Variants in ACR observed in about 807,000 individuals in gnomAD.
ACR encodes the protein acrosin light and heavy chain prepropeptide.
ACR carries 17 observed loss-of-function variants against 26.0 expected under a neutral mutation model. That is an observed-to-expected ratio of 0.65 (90% CI 0.45 to 0.98). ACR has a LOEUF of 0.98. ACR is among the 50% of genes least tolerant of loss of function. ACR has a pLI of 0.00. For synonymous variants in ACR, 199 were observed against 207.7 expected (o/e 0.96, Z 0.36); for missense variants, 435 against 519.3 (o/e 0.84, Z 1.58).
At chr22:50,741,032 C>T (rs982399553) in intron 3 of ACR, among the ~76,000 whole-genome samples, 1 of 152,236 alleles carries the variant, frequency 6.6e-6, no homozygotes. Flanking sequence ...GTGACCTATA[C>T]TTCCAGCTTT....
At chr22:50,742,639 G>T (rs1182547150) in intron 3 of ACR, among the ~76,000 whole-genome samples, 1 of 152,036 alleles carries the variant, frequency 6.6e-6, no homozygotes, top group African/African-American at 2.4e-5. Context: ...GGCAGTGCAT[G>T]TACAAAACTC....
chr22:50,743,257 G>A (rs34756634), intron 3 of ACR, among the ~76,000 whole-genome samples: 114,385 of 151,322 alleles, frequency 0.76, 44,204 homozygotes, highest in Non-Finnish European at 0.85. Flanking sequence ...GGATGGTCTC[G>A]AACTCCTGAC....
intron 3 of ACR, 76 bp from the exon 4 acceptor site, chr22:50,743,985 G>C: frequency 3.8e-6 from 4 of 1,060,398 alleles, no homozygotes; most frequent in Admixed American, 1.8e-5. Context: ...CAGAGGATGG[G>C]GTTCGGTGGG....
rs1276638283 is a variant in ACR, at chr22:50,739,186, A to G, written c.78-85A>G. ...GCTCTTCCCCACTTTTCCCAACCCC[A>G]TGTCCCTGCCTCCCCTCAGTTGTGG... is the stretch of plus-strand genomic sequence containing the variant. On this transcript the variant is annotated intron_variant, in intron 1 of 4. Coordinates refer to ENST00000216139, the MANE Select transcript of ACR (RefSeq NM_001097.3). This position sits in a 1 kb window ranked among gnomAD's most constrained non-coding sequence, Gnocchi z 5.5. The G allele has an allele frequency of 2.3e-6, 3 of 1,285,810 alleles. No homozygotes were observed. Among genetic ancestry groups the G allele is most frequent in the African/African-American group, 3.0e-5 (2 of 67,716 alleles). 79.7% of individuals were successfully genotyped at this position (1,285,810 alleles called of 1,614,324 possible).
At chr22:50,740,405 G>A (rs932551310) in intron 3 of ACR, 12 of 598,554 alleles carry the variant, frequency 2.0e-5, no homozygotes, top group Admixed American at 5.8e-5. Context: ...GGATCAGATG[G>A]TCTCCAAGCT....
At chr22:50,740,670 T>C (rs2083421238) in intron 3 of ACR, 1 of 702,550 alleles carries the variant, frequency 1.4e-6, no homozygotes, top group Non-Finnish European at 2.6e-6. Context: ...CGGGTGTAGC[T>C]GTCGCTCTAG....
intron 3 of ACR, chr22:50,740,587 C>T (rs1256875908): frequency 1.4e-6 from 1 of 702,368 alleles, no homozygotes; most frequent in Non-Finnish European, 2.6e-6. Flanking sequence ...GTTGGTGTGG[C>T]TTTCTGTGGG....
Position 50,739,294 on chromosome 22 carries a change from G to C in ACR, c.101G>C (p.Arg34Thr). The C allele has an allele frequency of 6.3e-7, 1 of 1,588,218 alleles. No individual in the cohort carries two copies. The highest frequency in any genetic ancestry group is 8.6e-7 in the Non-Finnish European group (1 of 1,166,814). The change falls in exon 2 of 5, where the codon AGG becomes ACG. Residue 34 changes from arginine (R) to threonine (T), a missense_variant. Physicochemically the swap from Arg to Thr is moderately conservative, Grantham distance 71 (BLOSUM62 -1). Coordinates refer to ENST00000216139, the MANE Select transcript of ACR (RefSeq NM_001097.3). The surrounding 1 kb of genome is among the most constrained non-coding windows in gnomAD (Gnocchi z 5.5). ...TCDGPCGLRF[R>T]QNPQGGVRIV... The stretch of plus-strand genomic sequence containing the variant: ...AGTGGCCCCTGTGGGTTACGGTTCA[G>C]GCAAAACCCACAGGGTGGTGTCCGC...
chr22:50,741,342 G>A (rs2283676), intron 3 of ACR, among the ~76,000 whole-genome samples: 42,768 of 151,470 alleles, frequency 0.28, 6,456 homozygotes, highest in East Asian at 0.57. Flanking sequence ...TGGAGTGACA[G>A]CCTCTATTCC....
intron 3 of ACR, chr22:50,740,458 G>C (rs907861639): frequency 1.6e-6 from 1 of 623,364 alleles, no homozygotes; most frequent in Admixed American, 2.5e-5. Context: ...CAGCCTTCCT[G>C]CTTCCAGGCT....
At chr22:50,744,541 A>C in intron 4 of ACR, 112 bp from the exon 5 acceptor site, 1 of 1,430,816 alleles carries the variant, frequency 7.0e-7, no homozygotes, top group East Asian at 2.5e-5. Context: ...TTGTGTTTAC[A>C]GCAGCAGGAG....
rs1455066737 is a variant in ACR, at chr22:50,738,227, G to T, written c.-9G>T. The T allele has an allele frequency of 1.2e-6, 2 of 1,613,896 alleles. No individual in the cohort carries two copies. The highest frequency in any genetic ancestry group is 1.7e-6 in the Non-Finnish European group (2 of 1,179,900). On this transcript the variant is annotated 5_prime_UTR_variant, in exon 1 of 5. Coordinates refer to ENST00000216139, the MANE Select transcript of ACR (RefSeq NM_001097.3). ...TCACTAGGCTTGCAGGCCAGGCAGT[G>T]CCAGGAGTATGGTTGAGATGCTACC...
intron 4 of ACR, 25 bp downstream of exon 4, chr22:50,744,231 C>T (rs1223422605): frequency 1.4e-5 from 23 of 1,593,696 alleles, no homozygotes; most frequent in Non-Finnish European, 2.0e-5. Flanking sequence ...GGCTTCTGGG[C>T]CCCTGGGTCC....
intron 3 of ACR, chr22:50,740,490 C>T (rs1333069107): frequency 4.6e-6 from 3 of 648,236 alleles, no homozygotes; most frequent in South Asian, 1.7e-5. Flanking sequence ...CATCAGCAGC[C>T]ACCTCCGGTG....
intron 3 of ACR, 66 bp downstream of exon 3, chr22:50,740,043 A>C (rs566306098): frequency 6.2e-7 from 1 of 1,601,510 alleles, no homozygotes; most frequent in Non-Finnish European, 8.5e-7. Flanking sequence ...TTTGAGGTGC[A>C]GCGGTCACTT....
chr22:50,738,666 C>T (rs900867586), intron 1 of ACR, among the ~76,000 whole-genome samples: 2 of 151,632 alleles, frequency 1.3e-5, no homozygotes, highest in Non-Finnish European at 2.9e-5. Context: ...ACCGCTTGCA[C>T]CCCTACCCCC....
chr22:50,743,073 T>C (rs984136374), intron 3 of ACR, among the ~76,000 whole-genome samples: 6 of 151,894 alleles, frequency 4.0e-5, no homozygotes, highest in East Asian at 3.9e-4. Context: ...TCTCGCTCTG[T>C]GGCCCGGGCT....
At chr22:50,743,251 G>C (rs905235651) in intron 3 of ACR, among the ~76,000 whole-genome samples, 21 of 152,010 alleles carry the variant, frequency 1.4e-4, no homozygotes, top group Admixed American at 9.8e-4. Context: ...TAGCCAGGAT[G>C]GTCTCGAACT....
intron 3 of ACR, among the ~76,000 whole-genome samples, chr22:50,741,175 G>T (rs1189725337): frequency 1.3e-5 from 2 of 152,144 alleles, no homozygotes; most frequent in Non-Finnish European, 2.9e-5. Context: ...TCAATAATTT[G>T]AGGATTCTTC....
Sources: gnomAD v4.1 joint callset for allele counts (sites outside exome capture counted in the v4.1 genomes callset) on GRCh38, gnomAD v4.1.1 for gene constraint, Gnocchi (gnomAD v3.1) non-coding constraint, MANE v1.5 for transcripts, NCBI Gene and HGNC (gene_info 2026-07-23, HGNC 2026-07-21) for gene names.